Variants in MAD1L1 observed in about 807,000 individuals in gnomAD.
The protein encoded by MAD1L1 is mitotic spindle assembly checkpoint protein MAD1.
MAD1L1 carries 95 observed loss-of-function variants against 96.9 expected under a neutral mutation model. That is an observed-to-expected ratio of 0.98 (90% CI 0.83 to 1.16). The LOEUF (loss-of-function observed/expected upper bound fraction) is 1.16. Among genes scored for constraint, MAD1L1 ranks in the 50% most tolerant of loss-of-function variants. The probability of loss-of-function intolerance (pLI) is 0.00; values close to 1 mark genes in which losing one functional copy is unlikely to be tolerated. For missense variants in MAD1L1, 1,007 were observed against 954.4 expected, an observed-to-expected ratio of 1.06 and a Z score of -0.73; for synonymous variants, 473 against 396.6, an observed-to-expected ratio of 1.19 and a Z score of -2.29.
In MAD1L1 at chr7:1,962,357, C is replaced by G. The variant is rs529325866; in HGVS notation, c.1506-4638G>C. Among the ~76,000 whole-genome samples the G allele has an allele frequency of 7.9e-5, 12 of 152,318 alleles. 1 individual carries two copies. Among genetic ancestry groups the G allele is most frequent in the Admixed American group, 6.5e-4 (10 of 15,300 alleles). On this transcript the variant is annotated intron_variant, in intron 15 of 18. Coordinates refer to ENST00000265854, the MANE Select transcript of MAD1L1 (RefSeq NM_001013836.2). ...GTAGAACTGTGAGTCCATTCAATCT[C>G]TTTTTCTTTATAAATTACTCAGTCC...
chr7:2,042,350 CAT>C (rs542494026), intron 12 of MAD1L1, among the ~76,000 whole-genome samples: 21 of 152,182 alleles, frequency 1.4e-4, no homozygotes, highest in Admixed American at 8.5e-4. Flanking sequence ...CAGACACACA[CAT>C]GGGCACACAG....
chr7:2,222,433 C>T (rs1793657088), intron 5 of MAD1L1, 142 bp downstream of exon 5: 1 of 631,272 alleles, frequency 1.6e-6, no homozygotes. Flanking sequence ...AATACTTCTA[C>T]TGATGACAAC....
At chr7:1,864,479 C>A (rs1784683412) in intron 18 of MAD1L1, among the ~76,000 whole-genome samples, 1 of 152,216 alleles carries the variant, frequency 6.6e-6, no homozygotes. Context: ...TCTGAACACC[C>A]CCCTGCCGGG....
At chr7:1,915,568 C>T (rs1788331770) in intron 17 of MAD1L1, among the ~76,000 whole-genome samples, 1 of 152,244 alleles carries the variant, frequency 6.6e-6, no homozygotes, top group African/African-American at 2.4e-5. Flanking sequence ...GCCTCCAAGT[C>T]TCACAGTCAA....
intron 15 of MAD1L1, among the ~76,000 whole-genome samples, chr7:1,976,044 C>G (rs1210169588): frequency 3.3e-5 from 5 of 152,204 alleles, no homozygotes; most frequent in Non-Finnish European, 5.9e-5. Flanking sequence ...AAATCCCCAC[C>G]GACGCTCTCT....
intron 11 of MAD1L1, among the ~76,000 whole-genome samples, chr7:2,123,323 A>G (rs969700080): frequency 1.3e-5 from 2 of 149,998 alleles, no homozygotes; most frequent in African/African-American, 2.5e-5. Context: ...AAAAAAAAGC[A>G]GCAGGGGAGC....
intron 16 of MAD1L1, among the ~76,000 whole-genome samples, chr7:1,939,887 C>T (rs1026850829): frequency 2.6e-5 from 4 of 152,214 alleles, no homozygotes; most frequent in African/African-American, 4.8e-5. Flanking sequence ...AGCTCATCAG[C>T]CATGGGCAAT....
rs1256053324 is a variant in MAD1L1, at chr7:2,230,362, C to G, written c.-11+187G>C. 3 of 471,542 alleles carry G rather than the reference C, an allele frequency of 6.4e-6. 1 individual carries two copies. In the East Asian group the frequency reaches 1.1e-4, roughly 18 times the overall value. 29.2% of individuals were successfully genotyped at this position (471,542 alleles called of 1,614,324 possible). A position where few individuals can be genotyped will look rare whatever the true frequency, so the allele number is the denominator to read the frequency against. On this transcript the variant is annotated intron_variant, in intron 2 of 18. Coordinates refer to ENST00000265854, the MANE Select transcript of MAD1L1 (RefSeq NM_001013836.2). ...AAGGAAGCATGCCACCAAATCCCCA[C>G]CAGCAAGCCACCAATTGAGTCTCAG...
intron 18 of MAD1L1, among the ~76,000 whole-genome samples, chr7:1,864,204 G>A (rs1357129286): frequency 6.6e-6 from 1 of 152,190 alleles, no homozygotes; most frequent in Admixed American, 6.5e-5. Context: ...TCAGACAGTT[G>A]GGGAGCCGCT....
chr7:2,037,099 A>G (rs912626283), intron 12 of MAD1L1, among the ~76,000 whole-genome samples: 1 of 152,098 alleles, frequency 6.6e-6, no homozygotes, highest in African/African-American at 2.4e-5. Context: ...GTGTCCAGCC[A>G]TGCAGCAAAC....
intron 3 of MAD1L1, among the ~76,000 whole-genome samples, chr7:2,226,356 C>T (rs1793896106): frequency 6.6e-6 from 1 of 152,160 alleles, no homozygotes; most frequent in Admixed American, 6.5e-5. Flanking sequence ...CTGCCTACCA[C>T]ACAGGGTTAG....
At chr7:1,951,728 C>T (rs571182652) in intron 16 of MAD1L1, among the ~76,000 whole-genome samples, 3 of 152,168 alleles carry the variant, frequency 2.0e-5, no homozygotes, top group Admixed American at 6.5e-5. Flanking sequence ...CCCAGCTCAG[C>T]GTCCTCAGGT....
chr7:2,139,498 G>C (rs1788920397), intron 11 of MAD1L1, among the ~76,000 whole-genome samples: 1 of 152,258 alleles, frequency 6.6e-6, no homozygotes, highest in South Asian at 2.1e-4. Flanking sequence ...GGAGGAACCA[G>C]ACACTACCAA....
intron 18 of MAD1L1, chr7:1,847,224 T>G (rs1357595629): frequency 8.5e-6 from 4 of 470,060 alleles, no homozygotes; most frequent in East Asian, 6.9e-5. Context: ...CTTTTCCAAC[T>G]GACGCTTGTC....
chr7:2,140,964 G>A (rs1056299665), intron 11 of MAD1L1, among the ~76,000 whole-genome samples: 3 of 152,246 alleles, frequency 2.0e-5, no homozygotes, highest in African/African-American at 7.2e-5. Context: ...TTTTAAATAT[G>A]GAAATGCAAA....
intron 11 of MAD1L1, among the ~76,000 whole-genome samples, chr7:2,090,047 C>T (rs1024379703): frequency 1.3e-5 from 2 of 152,190 alleles, no homozygotes; most frequent in African/African-American, 4.8e-5. Context: ...TGACAGGAAA[C>T]GGCAGGTTCC....
chr7:1,817,156 G>GA (rs1781853308), intron 18 of MAD1L1: 1 of 152,198 alleles, frequency 6.6e-6, no homozygotes, highest in Admixed American at 6.5e-5. Flanking sequence ...ACACGGAGCC[G>GA]CCTCGCGCCG....
chr7:2,000,171 G>C (rs1486015985), intron 14 of MAD1L1, among the ~76,000 whole-genome samples: 1 of 152,034 alleles, frequency 6.6e-6, no homozygotes, highest in Non-Finnish European at 1.5e-5. Context: ...CCCATACCAT[G>C]AGCCCACCCG....
At chr7:2,171,899 T>C (rs1223504835) in intron 10 of MAD1L1, among the ~76,000 whole-genome samples, 1 of 152,120 alleles carries the variant, frequency 6.6e-6, no homozygotes, top group Non-Finnish European at 1.5e-5. Flanking sequence ...CCGTAAGAGA[T>C]GCCAGAAATC....
Sources: allele counts gnomAD v4.1 joint callset (sites outside exome capture counted in the v4.1 genomes callset), GRCh38; gene constraint gnomAD v4.1.1; transcripts MANE v1.5; gene names NCBI Gene and HGNC (gene_info 2026-07-23, HGNC 2026-07-21).